Variants in ADH7 observed in about 807,000 individuals in gnomAD.
ADH7 encodes the protein all-trans-retinol dehydrogenase [NAD(+)] ADH7.
Under a neutral mutation model 34.4 loss-of-function variants are expected in ADH7, and 41 were observed. The ratio of observed to expected loss-of-function variants is 1.19; its 90% confidence interval spans 0.93 to 1.55. The LOEUF (loss-of-function observed/expected upper bound fraction) is 1.55, where lower values mean the gene tolerates loss of function less well. Ranked by LOEUF, ADH7 falls within the 40% of genes most tolerant of loss-of-function variation. The pLI is 0.00. For synonymous variants in ADH7, 180 were observed against 160.9 expected, an observed-to-expected ratio of 1.12 and a Z score of -0.90; for missense variants, 540 against 461.2, an observed-to-expected ratio of 1.17 and a Z score of -1.56.
intron 5 of ADH7, among the ~76,000 whole-genome samples, chr4:99,425,487 A>G (rs560229261): frequency 6.6e-6 from 1 of 152,218 alleles, no homozygotes; most frequent in Non-Finnish European, 1.5e-5. Flanking sequence ...TGGTAAAGGG[A>G]TCAATTCAAC....
chr4:99,435,022 C>A (rs1154469), intron 1 of ADH7, 194 bp downstream of exon 1: 1 of 1,536,272 alleles, frequency 6.5e-7, no homozygotes. Flanking sequence ...CTATTTCCAA[C>A]TTACCCCTGC....
Position 99,419,030 on chromosome 4 carries a change from A to G in ADH7, c.917T>C (p.Met306Thr). The G allele has an allele frequency of 6.2e-7, 1 of 1,613,874 alleles. No individual in the cohort carries two copies. The highest frequency in any genetic ancestry group is 8.5e-7 in the Non-Finnish European group (1 of 1,179,866). The change falls in exon 7 of 9, where the codon ATG (methionine) becomes ACG (threonine). Residue 306 changes from methionine to threonine, a missense_variant. Met to Thr is a moderately conservative substitution (Grantham distance 81). Coordinates refer to ENST00000437033, the MANE Select transcript of ADH7 (RefSeq NM_000673.7). ...CCATGTGCGTCCAGTGAAGAGCAAC[A>G]TCGGGTCATAGGTGAGCATCTTGGC... is the stretch of plus-strand genomic sequence containing the variant. ...PSAKMLTYDPMLLFTGRTWKG... is the reference protein window; with the variant it reads ...PSAKMLTYDPTLLFTGRTWKG...
intron 7 of ADH7, 33 bp from the exon 8 acceptor site, chr4:99,415,649 T>A (rs1291086169): frequency 6.3e-7 from 1 of 1,596,468 alleles, no homozygotes; most frequent in Admixed American, 1.7e-5. Context: ...TCTTTAGACA[T>A]TACTAAATAA....
intron 5 of ADH7, among the ~76,000 whole-genome samples, chr4:99,421,427 C>T (rs907730045): frequency 2.3e-4 from 35 of 152,244 alleles, no homozygotes; most frequent in Admixed American, 2.0e-3. Flanking sequence ...ATAAATGATG[C>T]TAGGAAAACT....
At chr4:99,431,075 G>C (rs1721928634) in intron 1 of ADH7, among the ~76,000 whole-genome samples, 1 of 152,174 alleles carries the variant, frequency 6.6e-6, no homozygotes, top group Non-Finnish European at 1.5e-5. Context: ...TGGGATTACA[G>C]GTGTGAGCCA....
intron 5 of ADH7, among the ~76,000 whole-genome samples, chr4:99,421,017 GA>G (rs1721646078): frequency 6.6e-6 from 1 of 152,024 alleles, no homozygotes; most frequent in Admixed American, 6.6e-5. Context: ...CAAACAAATG[GA>G]AAAATTCCAT....
chr4:99,419,151 T>G (rs1721591338), intron 6 of ADH7, 30 bp from the exon 7 acceptor site: 3 of 1,604,974 alleles, frequency 1.9e-6, no homozygotes, highest in Non-Finnish European at 1.7e-6. Flanking sequence ...GATCGTTTGC[T>G]TCCTGTGTCT....
At chr4:99,419,144 C>A in intron 6 of ADH7, 23 bp from the exon 7 acceptor site, 1 of 1,608,072 alleles carries the variant, frequency 6.2e-7, no homozygotes, top group South Asian at 1.1e-5. Context: ...CGGAGGAGAT[C>A]GTTTGCTTCC....
At chr4:99,429,137 C>T (rs1376149273) in intron 2 of ADH7, among the ~76,000 whole-genome samples, 2 of 152,174 alleles carry the variant, frequency 1.3e-5, no homozygotes, top group African/African-American at 2.4e-5. Context: ...GGGAGGAAAA[C>T]GTTCCACGAA....
intron 1 of ADH7, among the ~76,000 whole-genome samples, chr4:99,433,242 G>A (rs1721977806): frequency 6.6e-6 from 1 of 152,126 alleles, no homozygotes; most frequent in Non-Finnish European, 1.5e-5. Context: ...AACAATAATA[G>A]AGGAATGATG....
At chr4:99,435,025 A>T (rs1579583263) in intron 1 of ADH7, 191 bp downstream of exon 1, 2 of 1,537,850 alleles carry the variant, frequency 1.3e-6, no homozygotes, top group African/African-American at 1.4e-5. Flanking sequence ...TTTCCAACTT[A>T]CCCCTGCTTC....
rs376821544 is a variant in ADH7 at position 99,420,772 on chromosome 4, C to A, written c.586G>T (p.Val196Phe). 14 of 1,613,784 alleles carry A rather than the reference C, an allele frequency of 8.7e-6. No homozygotes were observed. The highest frequency in any genetic ancestry group is 1.1e-5 in the Non-Finnish European group (13 of 1,179,874). ...CCAACTCCTCCCAGGCCAAAGACGA[C>A]GCAAGTGGAACCAGGTTTGACCTGT... ...TGKVKPGSTC[V>F]VFGLGGVGLS... The change falls in exon 6 of 9, where the codon GTC (valine) becomes TTC (phenylalanine). Residue 196 changes from valine (V) to phenylalanine (F), a missense_variant. Physicochemically the swap from Val to Phe is conservative, Grantham distance 50 (BLOSUM62 -1). Coordinates refer to ENST00000437033, the MANE Select transcript of ADH7 (RefSeq NM_000673.7).
chr4:99,429,442 CTTAT>C, intron 2 of ADH7, 86 bp downstream of exon 2: 1 of 857,964 alleles, frequency 1.2e-6, no homozygotes, highest in Non-Finnish European at 1.8e-6. Flanking sequence ...GAAGCATCTC[CTTAT>C]TTAAGAATCC....
At chr4:99,424,794 C>A (rs1249530099) in intron 5 of ADH7, among the ~76,000 whole-genome samples, 2 of 152,098 alleles carry the variant, frequency 1.3e-5, no homozygotes, top group East Asian at 1.9e-4. Flanking sequence ...ATGGGGTTTT[C>A]TAGATATACA....
At chr4:99,431,210 G>T (rs1721931361) in intron 1 of ADH7, among the ~76,000 whole-genome samples, 1 of 152,156 alleles carries the variant, frequency 6.6e-6, no homozygotes, top group African/African-American at 2.4e-5. Context: ...AAATAACAAA[G>T]GACAAGCCAT....
chr4:99,424,695 A>G (rs1293414459), intron 5 of ADH7, among the ~76,000 whole-genome samples: 2 of 151,876 alleles, frequency 1.3e-5, no homozygotes, highest in Non-Finnish European at 2.9e-5. Context: ...TTGGTGTGTA[A>G]GAATGCTTGT....
At chr4:99,420,833 G>A in intron 5 of ADH7, 40 bp from the exon 6 acceptor site, 3 of 1,592,716 alleles carry the variant, frequency 1.9e-6, no homozygotes, top group Non-Finnish European at 2.6e-6. Flanking sequence ...AGGTGTTAGG[G>A]TCAAAAAGTG....
At chr4:99,424,311 G>C (rs1432763584) in intron 5 of ADH7, among the ~76,000 whole-genome samples, 1 of 152,118 alleles carries the variant, frequency 6.6e-6, no homozygotes, top group Non-Finnish European at 1.5e-5. Flanking sequence ...GTCACATAGC[G>C]TGATGCCTCC....
intron 5 of ADH7, among the ~76,000 whole-genome samples, chr4:99,425,936 GAAC>G (rs1721793898): frequency 6.6e-6 from 1 of 152,084 alleles, no homozygotes; most frequent in South Asian, 2.1e-4. Context: ...CATGGAAACT[GAAC>G]AACCTGCTCC....
Sources: allele counts gnomAD v4.1 joint callset (sites outside exome capture counted in the v4.1 genomes callset), GRCh38; gene constraint gnomAD v4.1.1; transcripts MANE v1.5; gene names NCBI Gene and HGNC (gene_info 2026-07-23, HGNC 2026-07-21).